The following SLC9A7 variants were observed in gnomAD, a reference collection of about 807,000 sequenced individuals.
SLC9A7 encodes solute carrier family 9 member A7, also known as sodium/hydrogen exchanger 7.
SLC9A7 carries 19 observed loss-of-function variants against 52.6 expected under a neutral mutation model. That is an observed-to-expected ratio of 0.36 (90% CI 0.25 to 0.53). The LOEUF (loss-of-function observed/expected upper bound fraction) is 0.53. Ranked by LOEUF, SLC9A7 falls within the 20% of genes least tolerant of loss-of-function variation. SLC9A7 has a pLI of 0.91. For missense variants in SLC9A7, 455 were observed against 597.9 expected (o/e 0.76, Z 2.49); for synonymous variants, 226 against 252.1 (o/e 0.90, Z 0.98).
chrX:46,609,529 T>C (rs756275544), intron 16 of SLC9A7, among the ~76,000 whole-genome samples: 1 of 102,957 alleles, frequency 9.7e-6, no homozygotes, highest in African/African-American at 3.8e-5. Flanking sequence ...TGAAACCCCA[T>C]CTCTATTAAA....
chrX:46,754,637 C>A (rs1450371860), intron 1 of SLC9A7, among the ~76,000 whole-genome samples: 2 of 110,381 alleles, frequency 1.8e-5, no homozygotes, highest in Non-Finnish European at 3.8e-5. Flanking sequence ...AGTGAGCCCA[C>A]AACCCATAGA....
intron 16 of SLC9A7, among the ~76,000 whole-genome samples, chrX:46,609,241 G>C (rs1037467267): frequency 1.8e-5 from 2 of 111,900 alleles, no homozygotes; most frequent in Admixed American, 1.9e-4. Context: ...AGGAAACCCT[G>C]GGCATGAACT....
In SLC9A7 at chrX:46,655,629, G is replaced by T. The variant is rs759701884; in HGVS notation, c.1042-1915C>A. Among the ~76,000 whole-genome samples the T allele has an allele frequency of 7.1e-5, 8 of 112,114 alleles. No homozygotes were observed. In the East Asian group the frequency reaches 2.0e-3, roughly 28 times the overall value. On this transcript the variant is annotated intron_variant, in intron 7 of 16. Transcript: ENST00000616978. ...GGTGACAGACGGCACCTGGAAAATC[G>T]GGTCACTCCCACCCGAATACTGCGC...
chrX:46,704,690 G>A (rs10046981), intron 1 of SLC9A7, among the ~76,000 whole-genome samples: 5,127 of 111,921 alleles, frequency 0.046, 282 homozygotes, highest in African/African-American at 0.16. Flanking sequence ...AACACGGAGT[G>A]GAGTATCTAG....
chrX:46,659,312 C>A (rs1295339080), intron 7 of SLC9A7, among the ~76,000 whole-genome samples: 1 of 101,440 alleles, frequency 9.9e-6, no homozygotes, highest in Non-Finnish European at 2.0e-5. Context: ...AAAACTGGCA[C>A]AAGACAGGGA....
intron 7 of SLC9A7, among the ~76,000 whole-genome samples, chrX:46,661,650 AGCAGCTAGCTGGG>A (rs1943825649): frequency 9.0e-6 from 1 of 111,688 alleles, no homozygotes; most frequent in Non-Finnish European, 1.9e-5. Flanking sequence ...AGCAGTTGGC[AGCAGCTAGCTGGG>A]GCTAAAGTAC....
chrX:46,737,473 T>C (rs984545856), intron 1 of SLC9A7, among the ~76,000 whole-genome samples: 2 of 112,123 alleles, frequency 1.8e-5, no homozygotes, highest in African/African-American at 3.2e-5. Context: ...GGTTAATCAT[T>C]TGCCCTGAAA....
intron 5 of SLC9A7, among the ~76,000 whole-genome samples, chrX:46,663,082 C>T (rs1466039390): frequency 8.9e-6 from 1 of 112,431 alleles, no homozygotes; most frequent in Non-Finnish European, 1.9e-5. Flanking sequence ...GCTTGTAATT[C>T]CAGCACTTTG....
chrX:46,668,697 AGTC>A (rs772541912), intron 5 of SLC9A7, among the ~76,000 whole-genome samples: 4 of 112,184 alleles, frequency 3.6e-5, no homozygotes, highest in Non-Finnish European at 7.5e-5. Context: ...TATCTACAGT[AGTC>A]AAGTTCATAG....
At chrX:46,705,737 G>A (rs1194591304) in intron 1 of SLC9A7, among the ~76,000 whole-genome samples, 7 of 112,063 alleles carry the variant, frequency 6.2e-5, no homozygotes. Context: ...TCGGGAGACC[G>A]AGGTAGGAGG....
chrX:46,623,461 C>T (rs1008139043), intron 14 of SLC9A7, among the ~76,000 whole-genome samples: 1 of 111,317 alleles, frequency 9.0e-6, no homozygotes, highest in Admixed American at 9.5e-5. Flanking sequence ...AACACCTACC[C>T]GGCCAACCTC....
chrX:46,613,334 C>A lies in SLC9A7; in HGVS notation c.1884G>T (p.Trp628Cys). 1 of 1,208,469 alleles carries A rather than the reference C, an allele frequency of 8.3e-7. No individual in the cohort carries two copies. Among genetic ancestry groups the A allele is most frequent in the Non-Finnish European group, 1.1e-6 (1 of 893,740 alleles). The change falls in exon 16 of 17, where the codon TGG becomes TGT. Residue 628 changes from tryptophan to cysteine, a missense_variant. By Grantham distance (215) the Trp-to-Cys change is radical. Around this residue, in one of 3 missense-constraint regions of SLC9A7, gnomAD observed 146 missense variants for 160.5 expected, o/e 0.91. Transcript: ENST00000616978. Reference sequence around the variant, plus strand: ...TCAGACATCGAGCTAGTAAGCCACACCAGGCGGGGAGCGTGGTGGTTAGTG... The same window carrying A: ...TCAGACATCGAGCTAGTAAGCCACAACAGGCGGGGAGCGTGGTGGTTAGTG... ...GPPLTTTLPA[W>C]CGLLARCLTS...
chrX:46,710,983 A>C (rs1025851759), intron 1 of SLC9A7, among the ~76,000 whole-genome samples: 1 of 112,924 alleles, frequency 8.9e-6, no homozygotes, highest in Non-Finnish European at 1.9e-5. Context: ...GTTTAGCCTC[A>C]GGCTCTCTGA....
intron 12 of SLC9A7, among the ~76,000 whole-genome samples, chrX:46,636,639 TAA>T (rs1159431920): frequency 9.7e-6 from 1 of 102,586 alleles, no homozygotes; most frequent in Admixed American, 1.1e-4. Flanking sequence ...TCTTGTAGGT[TAA>T]AAAAAAAAAA....
chrX:46,643,078 T>C (rs1406063503), intron 12 of SLC9A7, among the ~76,000 whole-genome samples, 158 bp downstream of exon 12: 1 of 112,238 alleles, frequency 8.9e-6, no homozygotes, highest in Non-Finnish European at 1.9e-5. Context: ...AACTTTTACT[T>C]ATTGTTTTAA....
At chrX:46,758,595 G>T in intron 1 of SLC9A7, 110 bp downstream of exon 1, 1 of 463,296 alleles carries the variant, frequency 2.2e-6, no homozygotes, top group East Asian at 4.4e-5. Context: ...AGCGGGAAAC[G>T]TAAAAGAAAC....
chrX:46,684,099 T>A (rs184567190), intron 1 of SLC9A7, among the ~76,000 whole-genome samples: 1,297 of 112,506 alleles, frequency 0.012, 17 homozygotes, highest in African/African-American at 0.04. Context: ...AACAACTTGA[T>A]TTTTTTTACA....
At chrX:46,609,271 C>G (rs1569497700) in intron 16 of SLC9A7, among the ~76,000 whole-genome samples, 1 of 112,152 alleles carries the variant, frequency 8.9e-6, no homozygotes, top group Non-Finnish European at 1.9e-5. Context: ...TCCGCTTTCA[C>G]TCTTTGCAGA....
intron 5 of SLC9A7, among the ~76,000 whole-genome samples, chrX:46,669,041 G>A (rs1004886171): frequency 6.4e-5 from 7 of 108,750 alleles, no homozygotes; most frequent in Admixed American, 9.9e-5. Context: ...GGTGGCAGGC[G>A]CCTGTAGTCC....
Sources: gnomAD v4.1 joint callset for allele counts (sites outside exome capture counted in the v4.1 genomes callset) on GRCh38, gnomAD v4.1.1 for gene constraint, gnomAD v4.1.1 regional missense constraint, MANE v1.5 for transcripts, NCBI Gene and HGNC (gene_info 2026-07-23, HGNC 2026-07-21) for gene names.